The following FAM200C variants were observed in gnomAD, a reference collection of about 807,000 sequenced individuals.
At chr5:160,396,625 G>A in the FAM200C span, among the ~76,000 whole-genome samples, 3 of 146,242 alleles carry the variant, frequency 2.1e-5, no homozygotes, top group African/African-American at 5.1e-5. Context: ...GGTGGCATAC[G>A]CCTGTAGTCC....
At chr5:160,395,309 T>G in the FAM200C span, 1 of 1,614,216 alleles carries the variant, frequency 6.2e-7, no homozygotes, top group East Asian at 2.2e-5. Context: ...ATTGAGATCA[T>G]GCCCAGCTAC....
the FAM200C span, chr5:160,393,750 C>T: frequency 1.9e-6 from 3 of 1,553,666 alleles, no homozygotes; most frequent in Admixed American, 2.0e-5. Context: ...TCAATGATGT[C>T]CGAGAAACGA....
chr5:160,397,958 G>C, the FAM200C span, among the ~76,000 whole-genome samples: 1 of 152,196 alleles, frequency 6.6e-6, no homozygotes, highest in Non-Finnish European at 1.5e-5. Context: ...CATTACAAGA[G>C]GGGCCCTGCA....
At chr5:160,394,765 A>C in the FAM200C span, 1 of 1,614,108 alleles carries the variant, frequency 6.2e-7, no homozygotes, top group South Asian at 1.1e-5. Flanking sequence ...AGGCACCATC[A>C]GTACAAACAG....
At chr5:160,398,683 A>G in the FAM200C span, among the ~76,000 whole-genome samples, 1 of 152,238 alleles carries the variant, frequency 6.6e-6, no homozygotes, top group African/African-American at 2.4e-5. Context: ...ATTCTTCTCC[A>G]TAACCCTCAA....
the FAM200C span, chr5:160,394,168 T>C: frequency 6.2e-7 from 1 of 1,611,038 alleles, no homozygotes; most frequent in African/African-American, 1.3e-5. Context: ...CTGCAATGAA[T>C]ATGCCTTCAT....
chr5:160,393,852 C>T, the FAM200C span: 1 of 1,613,668 alleles, frequency 6.2e-7, no homozygotes, highest in African/African-American at 1.3e-5. Flanking sequence ...GATGAAAATC[C>T]CAACTCACAA....
the FAM200C span, chr5:160,394,549 GA>G: frequency 6.2e-7 from 1 of 1,614,094 alleles, no homozygotes; most frequent in African/African-American, 1.3e-5. Context: ...TTTCTTCAAA[GA>G]AAGCCTGAAA....
chr5:160,395,490 T>C, the FAM200C span: 2 of 1,613,112 alleles, frequency 1.2e-6, no homozygotes, highest in Non-Finnish European at 1.7e-6. Flanking sequence ...TTCTTCGACA[T>C]GGCACACAAA....
chr5:160,398,823 A>G, the FAM200C span, among the ~76,000 whole-genome samples: 1 of 152,270 alleles, frequency 6.6e-6, no homozygotes, highest in Non-Finnish European at 1.5e-5. Context: ...AATATCCTAA[A>G]AAACGTAAAC....
the FAM200C span, chr5:160,394,294 T>C: frequency 1.2e-6 from 2 of 1,613,774 alleles, no homozygotes; most frequent in Non-Finnish European, 1.7e-6. Context: ...CTCTAGCTGA[T>C]ACTGTGTTCA....
the FAM200C span, chr5:160,393,152 T>C: frequency 6.6e-6 from 1 of 152,260 alleles, no homozygotes; most frequent in South Asian, 2.1e-4. Flanking sequence ...CAGTGATTAA[T>C]ATATTAGGCT....
chr5:160,394,310 G>C, the FAM200C span: 2 of 1,613,914 alleles, frequency 1.2e-6, no homozygotes, highest in Non-Finnish European at 1.7e-6. Flanking sequence ...GTTCATCCCA[G>C]TCCTCTGCAT....
chr5:160,397,634 T>C, the FAM200C span: 2 of 152,210 alleles, frequency 1.3e-5, no homozygotes, highest in Non-Finnish European at 2.9e-5. Flanking sequence ...TCTACCAAGA[T>C]GAACTAGTTG....
chr5:160,397,526 G>A, the FAM200C span: 1 of 152,190 alleles, frequency 6.6e-6, no homozygotes, highest in Non-Finnish European at 1.5e-5. Context: ...CTGAAATAAA[G>A]TAACAGGTAC....
At chr5:160,395,655 C>A in the FAM200C span, 3 of 639,890 alleles carry the variant, frequency 4.7e-6, no homozygotes, top group South Asian at 1.9e-5. Flanking sequence ...CATGTCAATT[C>A]GAAGTAAGCC....
the FAM200C span, chr5:160,395,597 A>G: frequency 1.1e-6 from 1 of 872,094 alleles, no homozygotes; most frequent in Admixed American, 2.1e-5. Context: ...GAATTAAAAC[A>G]AAGCCACATC....
At chr5:160,396,092 C>T in the FAM200C span, among the ~76,000 whole-genome samples, 61,879 of 151,790 alleles carry the variant, frequency 0.41, 13,037 homozygotes, top group South Asian at 0.46. Flanking sequence ...GGGTATCCGT[C>T]ACCCAAATAA....
chr5:160,393,997 T>A, the FAM200C span: 23 of 1,613,646 alleles, frequency 1.4e-5, no homozygotes, highest in Admixed American at 3.8e-4. Context: ...CACTAGCTCG[T>A]AATTCAGCAA....
Sources: allele counts gnomAD v4.1 joint callset (sites outside exome capture counted in the v4.1 genomes callset), GRCh38; gene constraint gnomAD v4.1.1; transcripts MANE v1.5.